Variants in TPM2 observed in about 807,000 individuals in gnomAD.
TPM2 encodes the protein tropomyosin 2.
A neutral mutation model predicts 41.0 loss-of-function variants in TPM2; 26 were observed. That is an observed-to-expected ratio of 0.63 (90% confidence interval 0.46 to 0.88). The LOEUF is 0.88. Among genes scored for constraint, TPM2 ranks in the 40% least tolerant of loss-of-function variants. The pLI, the probability that TPM2 is intolerant of heterozygous loss-of-function variation, is 0.00. For synonymous variants in TPM2, 143 were observed against 139.3 expected (o/e 1.03, Z -0.19); for missense variants, 187 against 355.2 (o/e 0.53, Z 3.81).
intron 1 of TPM2, 200 bp from the exon 2 acceptor site, chr9:35,689,471 C>A (rs930319719): frequency 1.3e-5 from 12 of 898,096 alleles, no homozygotes; most frequent in African/African-American, 3.6e-5. Flanking sequence ...AGGAGCAGGA[C>A]CAACCGCGCT....
chr9:35,684,346 CA>C lies in TPM2; in HGVS notation c.703-32del, dbSNP rs748603857. The C allele has an allele frequency of 5.6e-6, 9 of 1,613,620 alleles. No homozygotes were observed. In the Admixed American group the frequency reaches 1.5e-4, roughly 27 times the overall value. ...GGTAAAGGCAGGATGGGAGAAATGG[CA>C]AAGAATTAGGCCCTCCCACAGACTA... On this transcript the variant is annotated intron_variant, in intron 7 of 8. Coordinates refer to ENST00000645482, the MANE Select transcript of TPM2 (RefSeq NM_003289.4).
Position 35,689,899 on chromosome 9 carries a change from G to A in TPM2, c.-82C>T, listed in dbSNP as rs1481177116. 8 of 1,606,652 alleles carry A rather than the reference G, an allele frequency of 5.0e-6. No homozygotes were observed. Among genetic ancestry groups the A allele is most frequent in the Non-Finnish European group, 6.8e-6 (8 of 1,178,054 alleles). On this transcript the variant is annotated 5_prime_UTR_variant, in exon 1 of 9. Transcript: ENST00000645482. ...GGGTGAGCGGACTGGGTGCACCGGTGGCAGGCGAGGAGGACGGAGCGGGAC... is the reference window on the plus strand; with the variant it reads ...GGGTGAGCGGACTGGGTGCACCGGTAGCAGGCGAGGAGGACGGAGCGGGAC...
chr9:35,685,718 C>T lies in TPM2; in HGVS notation c.303G>A (p.Arg101=). ...RIQLVEEELD[R]AQERLATALQ... ...GGGCTGTAGCCAGGCGCTCCTGGGC[C>T]CGGTCCAGCTCCTCCTCAACCAGCT... Residue 101 remains arginine (R), a synonymous_variant, in exon 3 of 9, where the codon CGG becomes CGA. Transcript: ENST00000645482. This position sits in a 1 kb window ranked among gnomAD's most constrained non-coding sequence, Gnocchi z 5.0. 6.2e-7 allele frequency: 1 copy of T among 1,614,160 alleles called. No homozygotes were observed. Among genetic ancestry groups the T allele is most frequent in the Non-Finnish European group, 8.5e-7 (1 of 1,180,044 alleles).
chr9:35,685,517 C>T lies in TPM2; in HGVS notation c.409G>A (p.Asp137Asn). The T allele has an allele frequency of 1.2e-6, 2 of 1,614,250 alleles. No individual in the cohort carries two copies. Among genetic ancestry groups the T allele is most frequent in the Non-Finnish European group, 1.7e-6 (2 of 1,180,048 alleles). Reference sequence around the variant, plus strand: ...TCCTGCAGTTCCATCTTCTCCTCATCCTTCATGGCCCGGTTTTCGATGACC... The same window carrying T: ...TCCTGCAGTTCCATCTTCTCCTCATTCTTCATGGCCCGGTTTTCGATGACC... Reference protein sequence around the residue: ...MKVIENRAMKDEEKMELQEMQ... With the variant: ...MKVIENRAMKNEEKMELQEMQ... The change falls in exon 4 of 9, where the codon GAT (aspartate) becomes AAT (asparagine). Residue 137 changes from aspartate to asparagine, a missense_variant. Transcript: ENST00000645482. This position sits in a 1 kb window ranked among gnomAD's most constrained non-coding sequence, Gnocchi z 5.0.
rs780523662 is a variant in TPM2, at chr9:35,685,400, G to C, written c.492+34C>G. ...AGAAGGACTGGGCATGTTGCAGGCT[G>C]GGCAGCGAGCAGGCAGAGGGGCAAG... is the stretch of plus-strand genomic sequence containing the variant. On this transcript the variant is annotated intron_variant, in intron 4 of 8. Transcript: ENST00000645482. The surrounding 1 kb of genome is among the most constrained non-coding windows in gnomAD (Gnocchi z 5.0). The C allele has an allele frequency of 3.7e-6, 6 of 1,614,026 alleles. No homozygotes were observed. The African/African-American group carries it at 6.7e-5, about 18-fold the overall frequency.
intron 1 of TPM2, 73 bp downstream of exon 1, chr9:35,689,631 G>A: frequency 1.3e-6 from 2 of 1,599,986 alleles, no homozygotes; most frequent in Non-Finnish European, 1.7e-6. Context: ...GCCCGGGGCT[G>A]GGGGACCCAT....
chr9:35,682,335 G>A, downstream of TPM2: 2 of 967,056 alleles, frequency 2.1e-6, no homozygotes, highest in Non-Finnish European at 3.2e-6. Flanking sequence ...CTAGGATGAG[G>A]GGAACAGGAC....
At chr9:35,684,359 C>CCT in intron 7 of TPM2, 44 bp from the exon 8 acceptor site, 2 of 1,611,212 alleles carry the variant, frequency 1.2e-6, no homozygotes, top group South Asian at 2.2e-5. Context: ...AGAATTAGGC[C>CCT]CTCCCACAGA....
At chr9:35,687,272 C>T (rs1824975742) in intron 2 of TPM2, among the ~76,000 whole-genome samples, 1 of 151,862 alleles carries the variant, frequency 6.6e-6, no homozygotes, top group Non-Finnish European at 1.5e-5. Context: ...TTTTTAAAGC[C>T]CCCGAGTGAT....
intron 1 of TPM2, 40 bp from the exon 2 acceptor site, chr9:35,689,311 G>A: frequency 1.2e-6 from 2 of 1,612,848 alleles, no homozygotes; most frequent in Non-Finnish European, 1.7e-6. Flanking sequence ...CTGGGAGGGG[G>A]CCCAGGCCCA....
chr9:35,690,046 G>T, upstream of TPM2: 6 of 1,358,276 alleles, frequency 4.4e-6, no homozygotes, highest in Non-Finnish European at 4.7e-6. Context: ...CCGGCCGGGG[G>T]GTGCGGCCGC....
In TPM2 at chr9:35,683,201, G is replaced by A. The variant is rs201215303; in HGVS notation, c.813C>T (p.Ser271=). 107 of 1,556,782 alleles carry A rather than the reference G, an allele frequency of 6.9e-5. No homozygotes were observed. In the East Asian group the frequency reaches 2.4e-3, roughly 35 times the overall value. The change falls in exon 9 of 9, where the codon AGC becomes AGT. Residue 271 remains serine, a synonymous_variant. Transcript: ENST00000645482. ...YAQKMKYKAI[S]EELDNALNDI... ...CATTGAGTGCGTTGTCCAGTTCCTCGCTAATGGCCTTGTACTTCATCTTCT... is the reference window on the plus strand; with the variant it reads ...CATTGAGTGCGTTGTCCAGTTCCTCACTAATGGCCTTGTACTTCATCTTCT...
At position 35,685,862 on chromosome 9, in the gene TPM2, C is replaced by G; in HGVS notation, c.241-82G>C. 1 of 1,607,182 alleles carries G rather than the reference C, an allele frequency of 6.2e-7. No homozygotes were observed. The highest frequency in any genetic ancestry group is 1.1e-5 in the South Asian group (1 of 90,824). On this transcript the variant is annotated intron_variant, in intron 2 of 8. Coordinates refer to ENST00000645482, the MANE Select transcript of TPM2 (RefSeq NM_003289.4). This position sits in a 1 kb window ranked among gnomAD's most constrained non-coding sequence, Gnocchi z 5.0. Reference sequence around the variant, plus strand: ...AGAGGCTCCAGAGGATGGCGAGATTCTTCTCAGAAAGAACTGAGGCTTCCT... The same window carrying G: ...AGAGGCTCCAGAGGATGGCGAGATTGTTCTCAGAAAGAACTGAGGCTTCCT...
At position 35,684,466 on chromosome 9, in the gene TPM2, G is replaced by A. The variant is rs752992014; in HGVS notation, c.702+22C>T. The A allele has an allele frequency of 2.5e-6, 4 of 1,614,000 alleles. No individual in the cohort carries two copies. The South Asian group carries it at 4.4e-5, about 18-fold the overall frequency. On this transcript the variant is annotated intron_variant, in intron 7 of 8. Transcript: ENST00000645482. ...ATTAGGGTGGCTTGAGGGGAGACTGGGAACTGGAAGAGGACTCTCACCTCC... is the reference window on the plus strand; with the variant it reads ...ATTAGGGTGGCTTGAGGGGAGACTGAGAACTGGAAGAGGACTCTCACCTCC...
At chr9:35,683,718 C>T (rs1331579791) in intron 8 of TPM2, among the ~76,000 whole-genome samples, 1 of 152,254 alleles carries the variant, frequency 6.6e-6, no homozygotes, top group Admixed American at 6.5e-5. Context: ...TAGCCACAGA[C>T]TCACAAATAT....
chr9:35,685,157 G>C lies in TPM2; in HGVS notation c.563+112C>G. 6.2e-7 allele frequency: 1 copy of C among 1,614,210 alleles called. No homozygotes were observed. Among genetic ancestry groups the C allele is most frequent in the Non-Finnish European group, 8.5e-7 (1 of 1,180,036 alleles). On this transcript the variant is annotated intron_variant, in intron 5 of 8. Transcript: ENST00000645482. The surrounding 1 kb of genome is among the most constrained non-coding windows in gnomAD (Gnocchi z 5.0). Reference sequence around the variant, plus strand: ...TGGCTCGGCTGGGGGCAGCGGGCAGGGGTCAGAGAACAGGGCCTGTCCCTA... The same window carrying C: ...TGGCTCGGCTGGGGGCAGCGGGCAGCGGTCAGAGAACAGGGCCTGTCCCTA...
intron 2 of TPM2, among the ~76,000 whole-genome samples, chr9:35,687,782 ACT>A (rs1413798452): frequency 6.7e-6 from 1 of 149,150 alleles, no homozygotes; most frequent in African/African-American, 2.5e-5. Context: ...GTGACAAAAG[ACT>A]CTGGAAAGTT....
intron 2 of TPM2, among the ~76,000 whole-genome samples, chr9:35,688,421 C>G (rs1325836689): frequency 1.3e-5 from 2 of 152,224 alleles, no homozygotes; most frequent in African/African-American, 4.8e-5. Flanking sequence ...AGCCATATGG[C>G]CATTCTCCTA....
At chr9:35,684,880 A>AG in intron 5 of TPM2, 73 bp from the exon 6 acceptor site, 1 of 1,613,632 alleles carries the variant, frequency 6.2e-7, no homozygotes, top group Non-Finnish European at 8.5e-7. Context: ...ATGGCACAGC[A>AG]GGGGACGGGT....
Sources: gnomAD v4.1 joint callset for allele counts (sites outside exome capture counted in the v4.1 genomes callset) on GRCh38, gnomAD v4.1.1 for gene constraint, Gnocchi (gnomAD v3.1) non-coding constraint, MANE v1.5 for transcripts, NCBI Gene and HGNC (gene_info 2026-07-23, HGNC 2026-07-21) for gene names.